The following SLCO3A1 variants were observed in gnomAD, a reference collection of about 807,000 sequenced individuals.
SLCO3A1 encodes PGE1 transporter.
SLCO3A1 carries 27 observed loss-of-function variants against 63.1 expected under a neutral mutation model. The ratio of observed to expected loss-of-function variants is 0.43; its 90% CI spans 0.32 to 0.59. The LOEUF (loss-of-function observed/expected upper bound fraction) is 0.59, where lower values mean the gene tolerates loss of function less well. Ranked by LOEUF, SLCO3A1 falls within the 20% of genes least tolerant of loss-of-function variation. SLCO3A1 has a pLI of 0.09. For synonymous variants in SLCO3A1, 473 were observed against 409.9 expected, an observed-to-expected ratio of 1.15 and a Z score of -1.86; for missense variants, 773 against 945.8, an observed-to-expected ratio of 0.82 and a Z score of 2.40.
chr15:91,935,363 T>A (rs567298727), intron 2 of SLCO3A1, among the ~76,000 whole-genome samples: 113 of 152,266 alleles, frequency 7.4e-4, no homozygotes, highest in African/African-American at 2.7e-3. Context: ...TGTGGTGTAA[T>A]TCTCCTCCAT....
intron 2 of SLCO3A1, among the ~76,000 whole-genome samples, chr15:91,957,935 A>T (rs986444450): frequency 2.6e-5 from 4 of 152,180 alleles, no homozygotes; most frequent in African/African-American, 9.7e-5. Context: ...GGTCTTTGTC[A>T]TATAAATGAA....
chr15:92,080,940 G>GTGTGTATA (rs1391017103), intron 2 of SLCO3A1, among the ~76,000 whole-genome samples: 1 of 64,686 alleles, frequency 1.5e-5, no homozygotes, highest in Admixed American at 1.2e-4. Context: ...CATAGTAGCT[G>GTGTGTATA]TGTGTGTGTG....
At chr15:91,972,959 A>T (rs1900937883) in intron 2 of SLCO3A1, among the ~76,000 whole-genome samples, 1 of 152,214 alleles carries the variant, frequency 6.6e-6, no homozygotes, top group African/African-American at 2.4e-5. Flanking sequence ...CGTCTCTACT[A>T]AATATACAAA....
At chr15:92,027,493 A>C (rs1316396076) in intron 2 of SLCO3A1, among the ~76,000 whole-genome samples, 1 of 152,240 alleles carries the variant, frequency 6.6e-6, no homozygotes, top group Non-Finnish European at 1.5e-5. Context: ...TCACACAGCC[A>C]GCAGCAGCAA....
At chr15:91,933,532 A>G (rs970867799) in intron 2 of SLCO3A1, among the ~76,000 whole-genome samples, 1 of 152,210 alleles carries the variant, frequency 6.6e-6, no homozygotes, top group African/African-American at 2.4e-5. Context: ...AAAGCATACT[A>G]AAAAAATCAC....
At chr15:91,927,195 A>G (rs534990809) in intron 2 of SLCO3A1, among the ~76,000 whole-genome samples, 2 of 152,088 alleles carry the variant, frequency 1.3e-5, no homozygotes, top group African/African-American at 4.8e-5. Flanking sequence ...TGGGGCTGAA[A>G]TTTTCCATCC....
chr15:92,004,100 G>A (rs900973362), intron 2 of SLCO3A1, among the ~76,000 whole-genome samples: 3 of 152,186 alleles, frequency 2.0e-5, no homozygotes, highest in African/African-American at 7.2e-5. Context: ...AGACCTTCTG[G>A]GAGAGGCTCT....
intron 2 of SLCO3A1, among the ~76,000 whole-genome samples, chr15:92,064,561 G>C (rs1301513434): frequency 6.6e-6 from 1 of 152,112 alleles, no homozygotes; most frequent in Non-Finnish European, 1.5e-5. Flanking sequence ...TCTTCTAGTA[G>C]TTTTATAGTT....
intron 1 of SLCO3A1, among the ~76,000 whole-genome samples, chr15:91,887,245 A>G (rs887649904): frequency 1.3e-5 from 2 of 152,026 alleles, no homozygotes; most frequent in African/African-American, 4.8e-5. Flanking sequence ...GAATATTGTC[A>G]TCCCTTTTAC....
intron 2 of SLCO3A1, among the ~76,000 whole-genome samples, chr15:92,074,043 C>T (rs1217432731): frequency 6.6e-6 from 1 of 152,194 alleles, no homozygotes; most frequent in Non-Finnish European, 1.5e-5. Flanking sequence ...TGGTGTCAGG[C>T]ACCTGTAATC....
chr15:91,984,364 T>TTCTTATCGG (rs1406972679), intron 2 of SLCO3A1, among the ~76,000 whole-genome samples: 2 of 152,232 alleles, frequency 1.3e-5, no homozygotes, highest in African/African-American at 4.8e-5. Context: ...TCCATCATCT[T>TTCTTATCGG]TCTTATCGGA....
intron 4 of SLCO3A1, among the ~76,000 whole-genome samples, chr15:92,113,748 A>G (rs1403891890): frequency 6.6e-6 from 1 of 152,106 alleles, no homozygotes; most frequent in Non-Finnish European, 1.5e-5. Flanking sequence ...ACTCCCAGAC[A>G]CTGCAGGCCT....
chr15:92,038,144 A>G (rs575350629), intron 2 of SLCO3A1, among the ~76,000 whole-genome samples: 13 of 152,300 alleles, frequency 8.5e-5, no homozygotes, highest in African/African-American at 3.1e-4. Context: ...GAATGTGAAT[A>G]GATGTGCTAC....
chr15:92,163,091 C>T lies in SLCO3A1; in HGVS notation c.2089C>T (p.Leu697=), dbSNP rs1344310965. 2.6e-6 allele frequency: 4 copies of T among 1,541,160 alleles called. No individual in the cohort carries two copies. Among genetic ancestry groups the T allele is most frequent in the African/African-American group, 1.4e-5 (1 of 72,472 alleles). ...QTHRTKFIYN[L]EDHEWCENME... is the part of the protein sequence containing the mutation. The stretch of plus-strand genomic sequence containing the variant: ...ACATAGGACAAAGTTTATCTATAAC[C>T]TGGAAGACCATGAGTGGTGTGAAAA... The change falls in exon 10 of 10, where the codon CTG becomes TTG. Residue 697 remains leucine (L), a synonymous_variant. Transcript: ENST00000318445.
At chr15:91,919,802 A>T (rs1898783715) in intron 2 of SLCO3A1, among the ~76,000 whole-genome samples, 1 of 151,476 alleles carries the variant, frequency 6.6e-6, no homozygotes, top group Admixed American at 6.6e-5. Context: ...AGTACTAAAG[A>T]TTTCTCAATA....
intron 1 of SLCO3A1, among the ~76,000 whole-genome samples, chr15:91,887,304 G>A (rs1897748709): frequency 3.3e-5 from 5 of 152,086 alleles, no homozygotes; most frequent in Admixed American, 3.3e-4. Flanking sequence ...AATGGCTTGA[G>A]CTATTTCCTG....
chr15:91,982,173 A>T (rs1442052699), intron 2 of SLCO3A1, among the ~76,000 whole-genome samples: 2 of 152,226 alleles, frequency 1.3e-5, no homozygotes, highest in East Asian at 1.9e-4. Context: ...TCAGAGAGGG[A>T]CCACCTATGG....
chr15:92,157,326 T>A (rs2048383365), intron 9 of SLCO3A1: 1 of 152,044 alleles, frequency 6.6e-6, no homozygotes, highest in African/African-American at 2.4e-5. Flanking sequence ...AAGACACAGT[T>A]ACTAAAGAAA....
rs1202118071 is a variant in SLCO3A1 at position 92,009,965 on chromosome 15, G to GT, written c.647-84915dup. ...TGGCACATGGAAGTCTTATGGAGAA[G>GT]TGCCATGTGGGCTGGACTCCCCCAG... On this transcript the variant is annotated intron_variant, in intron 2 of 9. Transcript: ENST00000318445. 3.6e-4 allele frequency among the ~76,000 whole-genome samples: 55 copies of GT among 152,314 alleles called. 1 individual carries two copies. The highest frequency in any genetic ancestry group is 1.3e-3 in the African/African-American group (54 of 41,580).
Sources: allele counts gnomAD v4.1 joint callset (sites outside exome capture counted in the v4.1 genomes callset), GRCh38; gene constraint gnomAD v4.1.1; transcripts MANE v1.5; gene names NCBI Gene and HGNC (gene_info 2026-07-23, HGNC 2026-07-21).